The following SGCZ variants were observed in gnomAD, a reference collection of about 807,000 sequenced individuals.
SGCZ encodes sarcoglycan zeta, also known as zeta-sarcoglycan.
Under a neutral mutation model 41.3 loss-of-function variants are expected in SGCZ, and 40 were observed. The ratio of observed to expected loss-of-function variants is 0.97; its 90% CI spans 0.75 to 1.26. The LOEUF (loss-of-function observed/expected upper bound fraction) is 1.26. SGCZ is among the 50% of genes most tolerant of loss of function. The pLI is 0.00. For synonymous variants in SGCZ, 206 were observed against 137.5 expected, an observed-to-expected ratio of 1.50 and a Z score of -3.49; for missense variants, 552 against 369.8, an observed-to-expected ratio of 1.49 and a Z score of -4.04.
chr8:14,605,465 A>G (rs907024186), intron 1 of SGCZ, among the ~76,000 whole-genome samples: 3 of 152,138 alleles, frequency 2.0e-5, no homozygotes, highest in Non-Finnish European at 4.4e-5. Flanking sequence ...AGTATTGACT[A>G]TAGCCACCCT....
intron 2 of SGCZ, among the ~76,000 whole-genome samples, chr8:14,468,321 C>G (rs17302533): frequency 3.9e-5 from 6 of 151,986 alleles, no homozygotes; most frequent in Non-Finnish European, 7.4e-5. Context: ...AAAATGACTA[C>G]CCTTATCTTT....
chr8:14,779,183 T>A (rs1294738206), intron 1 of SGCZ, among the ~76,000 whole-genome samples: 3 of 152,222 alleles, frequency 2.0e-5, no homozygotes, highest in Admixed American at 1.3e-4. Flanking sequence ...CATGGTCACC[T>A]ATATAACCAA....
At chr8:15,200,582 C>A (rs569292704) in intron 1 of SGCZ, among the ~76,000 whole-genome samples, 2 of 152,282 alleles carry the variant, frequency 1.3e-5, no homozygotes, top group East Asian at 3.9e-4. Context: ...TAAAACTAGA[C>A]TTTCCTGTTG....
intron 2 of SGCZ, among the ~76,000 whole-genome samples, chr8:14,490,144 G>T (rs1289399659): frequency 1.3e-5 from 2 of 152,070 alleles, no homozygotes; most frequent in Admixed American, 6.5e-5. Context: ...GGGATTACAG[G>T]TGTGAGCCAC....
chr8:14,319,437 G>C (rs1306831483), intron 3 of SGCZ: 3 of 151,980 alleles, frequency 2.0e-5, no homozygotes, highest in Admixed American at 1.3e-4. Context: ...TGATTTCAAG[G>C]ATTAAAAAAC....
At chr8:14,785,482 A>G (rs1331228768) in intron 1 of SGCZ, among the ~76,000 whole-genome samples, 4 of 152,164 alleles carry the variant, frequency 2.6e-5, no homozygotes, top group East Asian at 1.9e-4. Context: ...AATTAGTCTC[A>G]GTGACTATCG....
In SGCZ at chr8:14,088,637, G is replaced by C. The variant is rs1299727550; in HGVS notation, c.*1806C>G. Reference sequence around the variant, plus strand: ...TCTTATTTCAATATTGATTTAAAAAGTTATATAATAACACCCAAATATAAT... The same window carrying C: ...TCTTATTTCAATATTGATTTAAAAACTTATATAATAACACCCAAATATAAT... On this transcript the variant is annotated 3_prime_UTR_variant, in exon 8 of 8. Transcript: ENST00000382080. 6.6e-6 allele frequency among the ~76,000 whole-genome samples: 1 copy of C among 151,616 alleles called. No homozygotes were observed. Among genetic ancestry groups the C allele is most frequent in the Non-Finnish European group, 1.5e-5 (1 of 67,814 alleles).
intron 1 of SGCZ, among the ~76,000 whole-genome samples, chr8:14,810,670 C>T (rs1358146063): frequency 6.6e-6 from 1 of 151,978 alleles, no homozygotes; most frequent in Non-Finnish European, 1.5e-5. Flanking sequence ...AGAGAGCTAA[C>T]TGGATACATT....
At chr8:14,563,966 G>C (rs1804282675) in intron 1 of SGCZ, among the ~76,000 whole-genome samples, 2 of 151,968 alleles carry the variant, frequency 1.3e-5, no homozygotes. Context: ...ACAAATGTTG[G>C]AGGTAAACAG....
At chr8:14,224,841 T>C (rs964572896) in intron 4 of SGCZ, among the ~76,000 whole-genome samples, 1 of 152,178 alleles carries the variant, frequency 6.6e-6, no homozygotes, top group Non-Finnish European at 1.5e-5. Context: ...ATTTCAAAAC[T>C]ACTTGCTCTT....
chr8:14,122,235 C>T (rs971938227), intron 5 of SGCZ, among the ~76,000 whole-genome samples: 1 of 152,124 alleles, frequency 6.6e-6, no homozygotes, highest in African/African-American at 2.4e-5. Context: ...TGAGATTGCG[C>T]CACTGCACTC....
At chr8:14,326,921 A>T (rs1802139048) in intron 2 of SGCZ, among the ~76,000 whole-genome samples, 1 of 152,184 alleles carries the variant, frequency 6.6e-6, no homozygotes, top group Non-Finnish European at 1.5e-5. Flanking sequence ...ACAGTGAGAG[A>T]AACTCAAAAG....
At chr8:14,648,812 C>T (rs187755005) in intron 1 of SGCZ, among the ~76,000 whole-genome samples, 392 of 152,116 alleles carry the variant, frequency 2.6e-3, no homozygotes, top group Non-Finnish European at 2.4e-3. Flanking sequence ...CTCAATATTT[C>T]GAGTGATTAT....
At chr8:14,274,704 C>T (rs1800171191) in intron 3 of SGCZ, among the ~76,000 whole-genome samples, 1 of 151,826 alleles carries the variant, frequency 6.6e-6, no homozygotes, top group South Asian at 2.1e-4. Flanking sequence ...TTTCTTCATA[C>T]ATTTTTTTCC....
intron 2 of SGCZ, among the ~76,000 whole-genome samples, chr8:14,442,243 G>C (rs150057166): frequency 6.6e-6 from 1 of 152,168 alleles, no homozygotes; most frequent in African/African-American, 2.4e-5. Flanking sequence ...TGAATCATGA[G>C]ATCCGGTCTT....
intron 2 of SGCZ, among the ~76,000 whole-genome samples, chr8:14,442,254 G>C (rs1267959724): frequency 6.6e-6 from 1 of 152,134 alleles, no homozygotes; most frequent in African/African-American, 2.4e-5. Context: ...ATCCGGTCTT[G>C]CCCGTGATAT....
Position 14,411,691 on chromosome 8 carries a change from G to C in SGCZ, c.235-87487C>G, listed in dbSNP as rs1306642626. On this transcript the variant is annotated intron_variant, in intron 2 of 7. Transcript: ENST00000382080. ...ATAATTTAAACCTCATTAAATATTT[G>C]TTTCATGTGTAAATACTATTATAAT... Among the ~76,000 whole-genome samples the C allele has an allele frequency of 2.0e-5, 3 of 152,074 alleles. No individual in the cohort carries two copies. The East Asian group carries it at 5.8e-4, about 29-fold the overall frequency.
In SGCZ at chr8:14,628,367, G is replaced by C. The variant is rs147739850; in HGVS notation, c.40-73441C>G. Reference sequence around the variant, plus strand: ...TGATAACCTCCCTCTAATCGGATTAGAGCACTGTGTTCTCCTGTTTCACCT... The same window carrying C: ...TGATAACCTCCCTCTAATCGGATTACAGCACTGTGTTCTCCTGTTTCACCT... On this transcript the variant is annotated intron_variant, in intron 1 of 7. Transcript: ENST00000382080. Among the ~76,000 whole-genome samples the C allele has an allele frequency of 8.8e-3, 1,333 of 152,046 alleles. 16 individuals are homozygous for C. The highest frequency in any genetic ancestry group is 0.03 in the African/African-American group (1,265 of 41,506).
intron 1 of SGCZ, among the ~76,000 whole-genome samples, chr8:14,781,382 T>A (rs1441442715): frequency 1.3e-5 from 2 of 152,076 alleles, no homozygotes; most frequent in Non-Finnish European, 1.5e-5. Context: ...GCATGTGACA[T>A]CAAACTCAGG....
Sources: allele counts gnomAD v4.1 joint callset (sites outside exome capture counted in the v4.1 genomes callset), GRCh38; gene constraint gnomAD v4.1.1; transcripts MANE v1.5; gene names NCBI Gene and HGNC (gene_info 2026-07-23, HGNC 2026-07-21).